The following PNPLA4 variants were observed in gnomAD, a reference collection of about 807,000 sequenced individuals.
The protein encoded by PNPLA4 is patatin-like phospholipase domain-containing protein 4.
In PNPLA4, 15 loss-of-function variants were observed where a neutral mutation model predicts 18.3. The observed-to-expected ratio is 0.82, with a 90% CI of 0.55 to 1.26. The LOEUF is 1.26. Among genes scored for constraint, PNPLA4 ranks in the 50% most tolerant of loss-of-function variants. The probability of loss-of-function intolerance (pLI) is 0.00; values close to 1 mark genes in which losing one functional copy is unlikely to be tolerated. For synonymous variants in PNPLA4, 88 were observed against 85.6 expected, an observed-to-expected ratio of 1.03 and a Z score of -0.16; for missense variants, 229 against 196.8, an observed-to-expected ratio of 1.16 and a Z score of -0.98.
intron 5 of PNPLA4, among the ~76,000 whole-genome samples, chrX:7,909,318 C>T (rs1923801389): frequency 9.0e-6 from 1 of 111,662 alleles, no homozygotes; most frequent in African/African-American, 3.3e-5. Flanking sequence ...CCAGCACTTT[C>T]GGAAGCCAAG....
chrX:7,922,583 G>A (rs1924264523), intron 2 of PNPLA4, among the ~76,000 whole-genome samples: 1 of 111,800 alleles, frequency 8.9e-6, no homozygotes, highest in African/African-American at 3.3e-5. Context: ...CTTGGGCACT[G>A]GTATTTTATA....
intron 4 of PNPLA4, among the ~76,000 whole-genome samples, chrX:7,921,225 G>GCA (rs1424842346): frequency 9.0e-6 from 1 of 111,349 alleles, no homozygotes; most frequent in African/African-American, 3.3e-5. Flanking sequence ...AGCCAAGATT[G>GCA]CACCACTGCA....
chrX:7,923,292 G>A (rs1293276810), intron 2 of PNPLA4, among the ~76,000 whole-genome samples: 1 of 111,684 alleles, frequency 9.0e-6, no homozygotes, highest in Non-Finnish European at 1.9e-5. Context: ...AGGTAGGAGA[G>A]GCAGAGTTGG....
intron 4 of PNPLA4, among the ~76,000 whole-genome samples, chrX:7,919,263 T>C (rs1161039869): frequency 8.9e-6 from 1 of 112,737 alleles, no homozygotes; most frequent in Non-Finnish European, 1.9e-5. Context: ...AAGACACATG[T>C]ATTGTCACAC....
intron 2 of PNPLA4, 91 bp downstream of exon 2, chrX:7,925,849 G>T: frequency 4.3e-6 from 3 of 704,033 alleles, no homozygotes; most frequent in East Asian, 3.4e-5. Flanking sequence ...TTATTTCTCT[G>T]CAGTGTTAAC....
At chrX:7,918,615 CA>C (rs1924118281) in intron 4 of PNPLA4, among the ~76,000 whole-genome samples, 1 of 111,085 alleles carries the variant, frequency 9.0e-6, no homozygotes, top group African/African-American at 3.3e-5. Context: ...AGCTACCCAT[CA>C]TCGAGCTGCT....
upstream of PNPLA4, chrX:7,927,619 C>A (rs756735778): frequency 8.8e-6 from 1 of 113,384 alleles, no homozygotes; most frequent in Non-Finnish European, 1.9e-5. Flanking sequence ...AACCCACACC[C>A]TAGAGAGGCG....
intron 2 of PNPLA4, 94 bp downstream of exon 2, chrX:7,925,846 T>G: frequency 2.9e-6 from 2 of 692,998 alleles, no homozygotes; most frequent in East Asian, 6.8e-5. Context: ...CGATTATTTC[T>G]CTGCAGTGTT....
chrX:7,926,549 T>C (rs1356643484), intron 1 of PNPLA4, among the ~76,000 whole-genome samples: 1 of 111,990 alleles, frequency 8.9e-6, no homozygotes, highest in Non-Finnish European at 1.9e-5. Context: ...AAATTCCAAA[T>C]GAACAATACA....
rs180918142 is a variant in PNPLA4 at position 7,926,279 on chromosome X, A to G, written c.-13-147T>C. 1.2e-4 allele frequency: 50 copies of G among 429,533 alleles called. No individual in the cohort carries two copies. In the East Asian group the frequency reaches 1.8e-3, roughly 15 times the overall value. The allele number at this position is 429,533 out of a possible 1,213,427, so 35.4% of individuals were successfully genotyped here. On this transcript the variant is annotated intron_variant, in intron 1 of 6. Transcript: ENST00000381042. ...TGGTTTCAATTAATTCTAATTAAAC[A>G]CAAGAATCTTTCAAGGAAACCCTTT... is the stretch of plus-strand genomic sequence containing the variant.
chrX:7,923,389 A>G (rs2146768748), intron 2 of PNPLA4, among the ~76,000 whole-genome samples: 1 of 112,153 alleles, frequency 8.9e-6, no homozygotes, highest in African/African-American at 3.2e-5. Flanking sequence ...CAGAAACTGG[A>G]AAAGGTAAGG....
chrX:7,919,370 T>A (rs1405346837), intron 4 of PNPLA4, among the ~76,000 whole-genome samples: 1 of 112,108 alleles, frequency 8.9e-6, no homozygotes, highest in Non-Finnish European at 1.9e-5. Context: ...GGAGAATGTG[T>A]CTCCTTGCTC....
At chrX:7,911,261 T>C (rs1279590558) in intron 5 of PNPLA4, among the ~76,000 whole-genome samples, 6 of 112,182 alleles carry the variant, frequency 5.3e-5, no homozygotes, top group Admixed American at 9.4e-5. Context: ...TTAAACCAAA[T>C]ACTATATTTG....
intron 5 of PNPLA4, among the ~76,000 whole-genome samples, chrX:7,903,812 AT>A (rs1229155061): frequency 2.7e-5 from 3 of 111,798 alleles, no homozygotes; most frequent in Non-Finnish European, 5.6e-5. Flanking sequence ...TAATTTGCAT[AT>A]TGTCATTATT....
chrX:7,915,545 G>A (rs771324695), intron 4 of PNPLA4, among the ~76,000 whole-genome samples: 1 of 112,186 alleles, frequency 8.9e-6, no homozygotes, highest in South Asian at 3.7e-4. Context: ...TGAAACCACT[G>A]ATTTGTGTTC....
intron 5 of PNPLA4, among the ~76,000 whole-genome samples, chrX:7,910,469 T>C (rs1393233068): frequency 9.1e-6 from 1 of 110,372 alleles, no homozygotes; most frequent in African/African-American, 3.3e-5. Flanking sequence ...ACTCTTTTAT[T>C]AATAAATAAA....
At chrX:7,927,558 G>A (rs1387684797), upstream of PNPLA4, 1 of 113,585 alleles carries the variant, frequency 8.8e-6, no homozygotes, top group East Asian at 2.8e-4. Flanking sequence ...GCGCAGGCAA[G>A]GATTCCTCGT....
intron 4 of PNPLA4, among the ~76,000 whole-genome samples, chrX:7,915,325 C>T (rs1400307786): frequency 9.6e-6 from 1 of 103,654 alleles, no homozygotes; most frequent in Non-Finnish European, 2.0e-5. Flanking sequence ...GGGGTGTGTC[C>T]TGCTAGCATC....
At chrX:7,918,778 C>T (rs750957558) in intron 4 of PNPLA4, among the ~76,000 whole-genome samples, 1 of 111,556 alleles carries the variant, frequency 9.0e-6, no homozygotes, top group Non-Finnish European at 1.9e-5. Flanking sequence ...CTTCTTTCAC[C>T]GGAACATATA....
Sources: gnomAD v4.1 joint callset for allele counts (sites outside exome capture counted in the v4.1 genomes callset) on GRCh38, gnomAD v4.1.1 for gene constraint, MANE v1.5 for transcripts, NCBI Gene and HGNC (gene_info 2026-07-23, HGNC 2026-07-21) for gene names.